RAB22A: variants seen among roughly 807,000 people sequenced by gnomAD.
RAB22A encodes the protein RAB22A, member RAS oncogene family, also known as ras-related protein Rab-22A.
In RAB22A, 13 loss-of-function variants were observed where a neutral mutation model predicts 30.2. That is an observed-to-expected ratio of 0.43 (90% CI 0.28 to 0.68). The LOEUF is 0.68. Among genes scored for constraint, RAB22A ranks in the 30% least tolerant of loss-of-function variants. The pLI is 0.18. For missense variants in RAB22A, 177 were observed against 246.8 expected, an observed-to-expected ratio of 0.72 and a Z score of 1.89; for synonymous variants, 89 against 87.2, an observed-to-expected ratio of 1.02 and a Z score of -0.11.
At chr20:58,334,731 CTTTTTT>C in intron 2 of RAB22A, among the ~76,000 whole-genome samples, 1 of 134,464 alleles carries the variant, frequency 7.4e-6, no homozygotes, top group South Asian at 2.4e-4. Flanking sequence ...CAACTTTGTA[CTTTTTT>C]TTTTTTTTTT....
At chr20:58,351,362 A>G (rs1444237816) in intron 3 of RAB22A, among the ~76,000 whole-genome samples, 2 of 152,246 alleles carry the variant, frequency 1.3e-5, no homozygotes, top group East Asian at 3.9e-4. Flanking sequence ...AATGTGCAGT[A>G]TATATTATAG....
chr20:58,319,035 A>G (rs576847334), intron 2 of RAB22A, among the ~76,000 whole-genome samples: 1 of 152,342 alleles, frequency 6.6e-6, no homozygotes, highest in South Asian at 2.1e-4. Context: ...TAAATTTTAA[A>G]AGGTTATTTT....
rs1003962512 is a variant in RAB22A at position 58,322,705 on chromosome 20, C to T, written c.116+11583C>T. 3.3e-5 allele frequency among the ~76,000 whole-genome samples: 5 copies of T among 152,318 alleles called. 1 individual carries two copies. In the East Asian group the frequency reaches 5.8e-4, roughly 18 times the overall value. ...TTCACATATAAGAACCTCGCAAGAG[C>T]GTCCTTCTGTTTCCCTTCTCCCAGG... On this transcript the variant is annotated intron_variant, in intron 2 of 6. Coordinates refer to ENST00000244040, the MANE Select transcript of RAB22A (RefSeq NM_020673.3).
rs115155815 is a variant in RAB22A at position 58,343,343 on chromosome 20, T to C, written c.117-375T>C. Among the ~76,000 whole-genome samples, 993 of 152,326 alleles carry C rather than the reference T, an allele frequency of 6.5e-3. 14 individuals are homozygous for C. The highest frequency in any genetic ancestry group is 0.022 in the African/African-American group (920 of 41,572). ...AAGCCAGATCCTAAAAAGTTTTTTT[T>C]TTAACTAGTGTATACATTCCTGGAC... On this transcript the variant is annotated intron_variant, in intron 2 of 6. Coordinates refer to ENST00000244040, the MANE Select transcript of RAB22A (RefSeq NM_020673.3).
At chr20:58,336,113 G>A (rs935819235) in intron 2 of RAB22A, among the ~76,000 whole-genome samples, 2 of 152,116 alleles carry the variant, frequency 1.3e-5, no homozygotes, top group Admixed American at 6.5e-5. Flanking sequence ...GGGTTCAAGC[G>A]ATTCTCCTGC....
In RAB22A at chr20:58,328,566, C is replaced by T. The variant is rs567578300; in HGVS notation, c.117-15152C>T. 3.9e-5 allele frequency among the ~76,000 whole-genome samples: 6 copies of T among 152,164 alleles called. No homozygotes were observed. In the South Asian group the frequency reaches 8.3e-4, roughly 21 times the overall value. On this transcript the variant is annotated intron_variant, in intron 2 of 6. Coordinates refer to ENST00000244040, the MANE Select transcript of RAB22A (RefSeq NM_020673.3). Reference sequence around the variant, plus strand: ...ATGGCTATTTTACTGTATTTCCCGCCGCCCCCCACAATGTCATTTAAAGAC... The same window carrying T: ...ATGGCTATTTTACTGTATTTCCCGCTGCCCCCCACAATGTCATTTAAAGAC...
chr20:58,321,680 G>A (rs559537651), intron 2 of RAB22A, among the ~76,000 whole-genome samples: 4 of 152,116 alleles, frequency 2.6e-5, no homozygotes, highest in East Asian at 1.9e-4. Context: ...TTCATGTTTC[G>A]AAGCTTTCGT....
Position 58,364,545 on chromosome 20 carries a change from C to T in RAB22A, c.*4842C>T, listed in dbSNP as rs1987281800. Reference sequence around the variant, plus strand: ...CATTAGTATATGGTGAAATTAAAACCGTGGTGTCTAACAGATTTAACAAAA... The same window carrying T: ...CATTAGTATATGGTGAAATTAAAACTGTGGTGTCTAACAGATTTAACAAAA... On this transcript the variant is annotated 3_prime_UTR_variant, in exon 7 of 7. Coordinates refer to ENST00000244040, the MANE Select transcript of RAB22A (RefSeq NM_020673.3). The T allele has an allele frequency of 6.6e-6, 1 of 151,926 alleles. No homozygotes were observed. Among genetic ancestry groups the T allele is most frequent in the East Asian group, 1.9e-4 (1 of 5,186 alleles). The allele number at this position is 151,926 out of a possible 1,614,324, so 9.4% of individuals were successfully genotyped here.
At chr20:58,342,425 G>A (rs1313094480) in intron 2 of RAB22A, among the ~76,000 whole-genome samples, 1 of 152,144 alleles carries the variant, frequency 6.6e-6, no homozygotes, top group Non-Finnish European at 1.5e-5. Context: ...TTGTATCAGA[G>A]TTGAAGTTTT....
chr20:58,318,857 T>A (rs1251545546), intron 2 of RAB22A, among the ~76,000 whole-genome samples: 1 of 152,208 alleles, frequency 6.6e-6, no homozygotes, highest in African/African-American at 2.4e-5. Context: ...CTCTGTGGCA[T>A]TGGACAAGTT....
In RAB22A at chr20:58,310,971, T is replaced by C. The variant is rs948433300; in HGVS notation, c.37-72T>C. On this transcript the variant is annotated intron_variant, in intron 1 of 6. Coordinates refer to ENST00000244040, the MANE Select transcript of RAB22A (RefSeq NM_020673.3). ...TGATTTTTCTAAAATCCTGAACTTA[T>C]GCCACAAAGTAGTTTTTGGTGTCTG... is the stretch of plus-strand genomic sequence containing the variant. 14 of 1,233,180 alleles carry C rather than the reference T, an allele frequency of 1.1e-5. No homozygotes were observed. In the Middle Eastern group the frequency reaches 5.6e-4, roughly 49 times the overall value. 76.4% of individuals were successfully genotyped at this position (1,233,180 alleles called of 1,614,324 possible). A position where few individuals can be genotyped will look rare whatever the true frequency, so the allele number is the denominator to read the frequency against.
intron 2 of RAB22A, among the ~76,000 whole-genome samples, chr20:58,334,088 T>C (rs1235917772): frequency 6.6e-6 from 1 of 152,052 alleles, no homozygotes; most frequent in Non-Finnish European, 1.5e-5. Flanking sequence ...CGCAGCACTT[T>C]GGGAGGCCGA....
intron 2 of RAB22A, among the ~76,000 whole-genome samples, chr20:58,317,445 G>A (rs984838516): frequency 1.3e-4 from 19 of 151,982 alleles, no homozygotes; most frequent in African/African-American, 4.1e-4. Context: ...AGCAAGTAAG[G>A]ATAATGATAG....
chr20:58,344,634 G>A (rs1986913453), intron 3 of RAB22A, among the ~76,000 whole-genome samples: 1 of 152,202 alleles, frequency 6.6e-6, no homozygotes, highest in African/African-American at 2.4e-5. Flanking sequence ...ACATCTGATA[G>A]ATGCATGGTG....
chr20:58,312,154 C>T (rs541170475), intron 2 of RAB22A, among the ~76,000 whole-genome samples: 12 of 152,050 alleles, frequency 7.9e-5, no homozygotes, highest in South Asian at 4.1e-4. Context: ...AAGGTCTCAC[C>T]GTGTTTGCCA....
rs1987233944 is a variant in RAB22A at position 58,361,921 on chromosome 20, T to C, written c.*2218T>C. Reference sequence around the variant, plus strand: ...TGAGGCATCTGGATGTGTCTGATCTTACTGTGATGTTTTACTGTACCGAGC... The same window carrying C: ...TGAGGCATCTGGATGTGTCTGATCTCACTGTGATGTTTTACTGTACCGAGC... On this transcript the variant is annotated 3_prime_UTR_variant, in exon 7 of 7. Transcript: ENST00000244040. 6.6e-6 allele frequency: 1 copy of C among 152,134 alleles called. No individual in the cohort carries two copies. The highest frequency in any genetic ancestry group is 6.5e-5 in the Admixed American group (1 of 15,270). The allele number at this position is 152,134 out of a possible 1,614,324, so 9.4% of individuals were successfully genotyped here. A position where few individuals can be genotyped will look rare whatever the true frequency, so the allele number is the denominator to read the frequency against.
chr20:58,326,633 T>G (rs1986574610), intron 2 of RAB22A, among the ~76,000 whole-genome samples: 1 of 152,178 alleles, frequency 6.6e-6, no homozygotes, highest in Non-Finnish European at 1.5e-5. Flanking sequence ...GAACATTCTT[T>G]TAAGGTTTTT....
chr20:58,314,583 G>A (rs1986298541), intron 2 of RAB22A, among the ~76,000 whole-genome samples: 1 of 151,980 alleles, frequency 6.6e-6, no homozygotes, highest in African/African-American at 2.4e-5. Flanking sequence ...GCTCACACCT[G>A]TAATCCCAGC....
intron 2 of RAB22A, among the ~76,000 whole-genome samples, chr20:58,328,702 A>C (rs1420182846): frequency 6.6e-6 from 1 of 151,974 alleles, no homozygotes; most frequent in Non-Finnish European, 1.5e-5. Context: ...CTCCCTACTT[A>C]GGTAGTCCTT....
Sources: allele counts gnomAD v4.1 joint callset (sites outside exome capture counted in the v4.1 genomes callset), GRCh38; gene constraint gnomAD v4.1.1; transcripts MANE v1.5; gene names NCBI Gene and HGNC (gene_info 2026-07-23, HGNC 2026-07-21).